The following LPIN1 variants were observed in gnomAD, a reference collection of about 807,000 sequenced individuals.
LPIN1 encodes the protein phosphatidate phosphatase LPIN1.
Under a neutral mutation model 107.5 loss-of-function variants are expected in LPIN1, and 71 were observed. The observed-to-expected ratio is 0.66, with a 90% confidence interval of 0.55 to 0.80. The LOEUF (loss-of-function observed/expected upper bound fraction) is 0.80. Among genes scored for constraint, LPIN1 ranks in the 30% least tolerant of loss-of-function variants. The pLI is 0.00. For synonymous variants in LPIN1, 445 were observed against 452.6 expected, an observed-to-expected ratio of 0.98 and a Z score of 0.21; for missense variants, 1,043 against 1,160.6, an observed-to-expected ratio of 0.90 and a Z score of 1.47.
intron 1 of LPIN1, chr2:11,741,176 G>A (rs1043353054): frequency 6.0e-6 from 3 of 501,112 alleles, no homozygotes; most frequent in African/African-American, 3.9e-5. Context: ...TCAGCCCTGA[G>A]GCTTAGCATC....
At chr2:11,776,049 G>A (rs1317004746) in intron 5 of LPIN1, 37 bp from the exon 6 acceptor site, 10 of 1,210,018 alleles carry the variant, frequency 8.3e-6, no homozygotes, top group Non-Finnish European at 1.2e-5. Context: ...CTCTGATTTT[G>A]TCTTTCTTTT....
At position 11,776,478 on chromosome 2, in the gene LPIN1, G is replaced by A. The variant is rs1572750369; in HGVS notation, c.830+285G>A. Among the ~76,000 whole-genome samples the A allele has an allele frequency of 3.3e-5, 5 of 150,328 alleles. No homozygotes were observed. In the East Asian group the frequency reaches 9.7e-4, roughly 29 times the overall value. ...CTAAATTTGACTCTCTGGAAATTAT[G>A]GTTAAGCATATAATTTTACCTAATT... is the stretch of plus-strand genomic sequence containing the variant. On this transcript the variant is annotated intron_variant, in intron 6 of 20. Coordinates refer to ENST00000674199, the MANE Select transcript of LPIN1 (RefSeq NM_001349206.2).
At chr2:11,751,409 C>G (rs939964002) in intron 1 of LPIN1, among the ~76,000 whole-genome samples, 1 of 152,200 alleles carries the variant, frequency 6.6e-6, no homozygotes, top group Non-Finnish European at 1.5e-5. Context: ...GAAAGCAACA[C>G]TATGGGAAGT....
chr2:11,689,168 A>G (rs1662151626), intron 1 of LPIN1, among the ~76,000 whole-genome samples: 1 of 152,166 alleles, frequency 6.6e-6, no homozygotes, highest in Non-Finnish European at 1.5e-5. Context: ...CCTATGAGAC[A>G]TTTTCCATAT....
At chr2:11,683,720 T>C (rs1455086111) in intron 1 of LPIN1, among the ~76,000 whole-genome samples, 3 of 152,184 alleles carry the variant, frequency 2.0e-5, no homozygotes, top group Non-Finnish European at 4.4e-5. Flanking sequence ...TGCCCTGCCC[T>C]GCACTGCCGC....
At chr2:11,740,268 T>G (rs1666205013) in intron 1 of LPIN1, among the ~76,000 whole-genome samples, 1 of 152,142 alleles carries the variant, frequency 6.6e-6, no homozygotes, top group Admixed American at 6.5e-5. Context: ...TGAGGATGAA[T>G]CTTCCTTCCT....
At chr2:11,748,555 G>C (rs1427662634) in intron 1 of LPIN1, among the ~76,000 whole-genome samples, 1 of 152,208 alleles carries the variant, frequency 6.6e-6, no homozygotes, top group Admixed American at 6.5e-5. Flanking sequence ...CATTGTGGTT[G>C]TTATGATTTT....
At chr2:11,677,627 C>T in exon 1 of LPIN1, 1 of 1,519,186 alleles carries the variant, frequency 6.6e-7, no homozygotes, top group South Asian at 1.2e-5. Context: ...AGGAGGCAGA[C>T]AGCACCATAC....
intron 2 of LPIN1, among the ~76,000 whole-genome samples, chr2:11,719,310 A>G (rs1382726201): frequency 6.6e-6 from 1 of 152,200 alleles, no homozygotes; most frequent in Admixed American, 6.5e-5. Flanking sequence ...ACAGGATAAA[A>G]AGCTTGCCTG....
chr2:11,701,485 G>A (rs1434583763), intron 1 of LPIN1, among the ~76,000 whole-genome samples: 2 of 152,190 alleles, frequency 1.3e-5, no homozygotes, highest in African/African-American at 4.8e-5. Flanking sequence ...TCACAGCGCC[G>A]GCCCAGGTGG....
rs557562261 is a variant in LPIN1, at chr2:11,760,667, C to T, written c.-9-4866C>T. Among the ~76,000 whole-genome samples the T allele has an allele frequency of 6.0e-5, 9 of 150,720 alleles. 1 individual carries two copies. In the South Asian group the frequency reaches 1.1e-3, roughly 18 times the overall value. ...CTTCGGCTCGGCATCAGAGGGAGAC[C>T]GTGGAAAGAGGGACAGGGAGACGGT... On this transcript the variant is annotated intron_variant, in intron 1 of 20. Coordinates refer to ENST00000674199, the MANE Select transcript of LPIN1 (RefSeq NM_001349206.2).
chr2:11,811,284 C>T (rs1337963257), intron 17 of LPIN1, among the ~76,000 whole-genome samples: 3 of 152,138 alleles, frequency 2.0e-5, no homozygotes, highest in Non-Finnish European at 4.4e-5. Flanking sequence ...GCATGTCCTG[C>T]CACCGGTTGT....
intron 3 of LPIN1, among the ~76,000 whole-genome samples, chr2:11,768,268 T>G (rs1671257440): frequency 6.6e-6 from 1 of 152,224 alleles, no homozygotes; most frequent in Non-Finnish European, 1.5e-5. Context: ...ATACACAATT[T>G]ACCCATTTCA....
intron 12 of LPIN1, among the ~76,000 whole-genome samples, chr2:11,789,521 G>T (rs557588041): frequency 6.7e-6 from 1 of 150,314 alleles, no homozygotes; most frequent in African/African-American, 2.4e-5. Flanking sequence ...TGTATGTGTG[G>T]ATGTGCACAT....
intron 1 of LPIN1, among the ~76,000 whole-genome samples, chr2:11,708,062 C>T (rs985252936): frequency 2.0e-5 from 3 of 151,960 alleles, no homozygotes; most frequent in Non-Finnish European, 2.9e-5. Flanking sequence ...GGCAGTGGGG[C>T]AGCAACCTTC....
chr2:11,767,696 G>C (rs773917233), intron 2 of LPIN1, 67 bp from the exon 3 acceptor site: 33 of 983,198 alleles, frequency 3.4e-5, no homozygotes, highest in Non-Finnish European at 5.3e-5. Context: ...AGACTTGGCC[G>C]TCCCCATGAG....
intron 15 of LPIN1, among the ~76,000 whole-genome samples, 182 bp from the exon 16 acceptor site, chr2:11,804,241 C>T (rs979652979): frequency 6.6e-6 from 1 of 152,134 alleles, no homozygotes; most frequent in African/African-American, 2.4e-5. Context: ...TTTCATTTTG[C>T]CTGTCCAGCC....
At chr2:11,784,564 C>A in intron 9 of LPIN1, 2 of 506,492 alleles carry the variant, frequency 3.9e-6, no homozygotes, top group Non-Finnish European at 6.6e-6. Flanking sequence ...TGGGGACCCA[C>A]CCTCAGTCCC....
intron 1 of LPIN1, among the ~76,000 whole-genome samples, chr2:11,749,516 A>G (rs1167677763): frequency 6.6e-6 from 1 of 152,106 alleles, no homozygotes; most frequent in Non-Finnish European, 1.5e-5. Flanking sequence ...ACAAGCCCTT[A>G]GCAGCTGGGG....
Sources: gnomAD v4.1 joint callset for allele counts (sites outside exome capture counted in the v4.1 genomes callset) on GRCh38, gnomAD v4.1.1 for gene constraint, MANE v1.5 for transcripts, NCBI Gene and HGNC (gene_info 2026-07-23, HGNC 2026-07-21) for gene names.